Variants in ATP9A observed in about 807,000 individuals in gnomAD.
ATP9A encodes ATPase phospholipid transporting 9A.
Under a neutral mutation model 144.1 loss-of-function variants are expected in ATP9A, and 52 were observed. The observed-to-expected ratio is 0.36, with a 90% CI of 0.29 to 0.45. The LOEUF (loss-of-function observed/expected upper bound fraction) is 0.45. ATP9A is among the 20% of genes least tolerant of loss of function. ATP9A has a pLI of 1.00. For missense variants in ATP9A, 947 were observed against 1,392.7 expected, an observed-to-expected ratio of 0.68 and a Z score of 5.09; for synonymous variants, 582 against 557.4, an observed-to-expected ratio of 1.04 and a Z score of -0.62.
At chr20:51,754,308 C>A (rs1481203088) in intron 1 of ATP9A, among the ~76,000 whole-genome samples, 4 of 152,102 alleles carry the variant, frequency 2.6e-5, no homozygotes, top group African/African-American at 9.6e-5. Flanking sequence ...TCAAGACCAG[C>A]CTGACCAACA....
intron 14 of ATP9A, among the ~76,000 whole-genome samples, chr20:51,649,715 G>C (rs1191291371): frequency 6.6e-6 from 1 of 152,134 alleles, no homozygotes; most frequent in Non-Finnish European, 1.5e-5. Context: ...AGGAGCTCGA[G>C]ACCAGCCTGG....
intron 1 of ATP9A, among the ~76,000 whole-genome samples, chr20:51,758,967 G>A (rs1207089353): frequency 1.3e-5 from 2 of 152,152 alleles, no homozygotes; most frequent in African/African-American, 4.8e-5. Flanking sequence ...AGCCCGGCAG[G>A]CACGGCACCC....
intron 11 of ATP9A, among the ~76,000 whole-genome samples, chr20:51,673,745 A>G (rs1601096209): frequency 1.3e-5 from 2 of 152,126 alleles, no homozygotes; most frequent in African/African-American, 4.8e-5. Flanking sequence ...CACTCTACAA[A>G]GAGATCTGCT....
intron 6 of ATP9A, among the ~76,000 whole-genome samples, chr20:51,695,214 C>T (rs2077565440): frequency 6.6e-6 from 1 of 152,096 alleles, no homozygotes; most frequent in Non-Finnish European, 1.5e-5. Flanking sequence ...TTTGGCCAGG[C>T]GTGGTGGCTC....
chr20:51,668,752 T>C (rs910079344), intron 13 of ATP9A, among the ~76,000 whole-genome samples: 4 of 152,162 alleles, frequency 2.6e-5, no homozygotes, highest in Admixed American at 6.5e-5. Context: ...CAACAAGGGC[T>C]TTGTTGCTGG....
chr20:51,758,287 A>G (rs1264156809), intron 1 of ATP9A, among the ~76,000 whole-genome samples: 1 of 152,208 alleles, frequency 6.6e-6, no homozygotes, highest in South Asian at 2.1e-4. Context: ...CATCAATAAA[A>G]ATGTTATAAT....
intron 1 of ATP9A, among the ~76,000 whole-genome samples, chr20:51,759,773 A>C (rs2077871346): frequency 6.6e-6 from 1 of 152,168 alleles, no homozygotes; most frequent in African/African-American, 2.4e-5. Flanking sequence ...TTGTCAAAGG[A>C]AGGACATTGA....
chr20:51,705,733 AC>A (rs1024815154), intron 4 of ATP9A, among the ~76,000 whole-genome samples: 18 of 152,032 alleles, frequency 1.2e-4, no homozygotes, highest in Admixed American at 1.2e-3. Flanking sequence ...AATCGAGGCA[AC>A]CCCCCACCCC....
intron 1 of ATP9A, among the ~76,000 whole-genome samples, chr20:51,742,211 G>C (rs2077788021): frequency 6.6e-6 from 1 of 151,768 alleles, no homozygotes; most frequent in African/African-American, 2.4e-5. Flanking sequence ...TATAGTCTCA[G>C]CTACTTGGGG....
At chr20:51,735,356 C>T (rs1210549) in intron 1 of ATP9A, among the ~76,000 whole-genome samples, 148,809 of 152,326 alleles carry the variant, frequency 0.98, 72,710 homozygotes, top group East Asian at 1. Flanking sequence ...ACAATCTCCA[C>T]GACGAGCTAA....
intron 1 of ATP9A, among the ~76,000 whole-genome samples, chr20:51,751,955 C>G (rs749912344): frequency 9.9e-5 from 15 of 152,132 alleles, no homozygotes; most frequent in Admixed American, 2.6e-4. Context: ...CTACTAGGTG[C>G]CAGCCTTTGT....
chr20:51,673,854 A>G (rs573048123), intron 11 of ATP9A, among the ~76,000 whole-genome samples: 2 of 152,206 alleles, frequency 1.3e-5, no homozygotes, highest in South Asian at 2.1e-4. Flanking sequence ...GTTCAAGACA[A>G]GCCTGGCAAA....
rs1374595044 is a variant in ATP9A, at chr20:51,622,261, C to T, written c.2017-89G>A. On this transcript the variant is annotated intron_variant, in intron 18 of 27. Coordinates refer to ENST00000338821, the MANE Select transcript of ATP9A (RefSeq NM_006045.3). ...CAGCTGAGTTTCCAACAACATGGAG[C>T]TGAACTTGGTATGTTCCGTTTACCT... The T allele has an allele frequency of 2.8e-6, 3 of 1,056,672 alleles. No homozygotes were observed. In the African/African-American group the frequency reaches 4.7e-5, roughly 16 times the overall value. The allele number at this position is 1,056,672 out of a possible 1,614,324, so 65.5% of individuals were successfully genotyped here.
chr20:51,671,067 C>A (rs754479237), intron 12 of ATP9A, 48 bp downstream of exon 12: 2 of 1,594,922 alleles, frequency 1.3e-6, no homozygotes, highest in Non-Finnish European at 1.7e-6. Context: ...AGCCCTCAGG[C>A]ATCTTCTCTC....
At chr20:51,629,725 C>T (rs2077263194) in intron 15 of ATP9A, among the ~76,000 whole-genome samples, 1 of 152,162 alleles carries the variant, frequency 6.6e-6, no homozygotes, top group Non-Finnish European at 1.5e-5. Context: ...TTCAGTTCAC[C>T]CTAACCAGAT....
intron 1 of ATP9A, among the ~76,000 whole-genome samples, chr20:51,740,108 G>A (rs975900229): frequency 2.6e-5 from 4 of 152,102 alleles, no homozygotes; most frequent in African/African-American, 9.7e-5. Flanking sequence ...CCAGGCTGCA[G>A]TGCAGTGGCG....
intron 15 of ATP9A, among the ~76,000 whole-genome samples, chr20:51,637,602 C>T (rs1284750950): frequency 1.3e-5 from 2 of 152,056 alleles, no homozygotes; most frequent in Admixed American, 6.6e-5. Context: ...AGTTCACAAG[C>T]CAAGCCTTAG....
In ATP9A at chr20:51,661,412, G is replaced by A. The variant is rs564756332; in HGVS notation, c.1294-4262C>T. 1.5e-3 allele frequency among the ~76,000 whole-genome samples: 233 copies of A among 151,528 alleles called. 1 individual carries two copies. The highest frequency in any genetic ancestry group is 5.5e-3 in the African/African-American group (229 of 41,294). ...AGGGTCTCACTCTGTTGCCCAGGCT[G>A]GAGTGAAGAGGCATGATCACAGCTC... is the stretch of plus-strand genomic sequence containing the variant. On this transcript the variant is annotated intron_variant, in intron 13 of 27. Coordinates refer to ENST00000338821, the MANE Select transcript of ATP9A (RefSeq NM_006045.3).
chr20:51,677,105 T>G (rs2077480696), intron 9 of ATP9A, among the ~76,000 whole-genome samples: 1 of 151,716 alleles, frequency 6.6e-6, no homozygotes, highest in Non-Finnish European at 1.5e-5. Flanking sequence ...GGCTAATTTT[T>G]GTTTTTTTTG....
Sources: allele counts gnomAD v4.1 joint callset (sites outside exome capture counted in the v4.1 genomes callset), GRCh38; gene constraint gnomAD v4.1.1; transcripts MANE v1.5; gene names NCBI Gene and HGNC (gene_info 2026-07-23, HGNC 2026-07-21).